The following SCAF11 variants were observed in gnomAD, a reference collection of about 807,000 sequenced individuals.
The protein encoded by SCAF11 is SR-related CTD associated factor 11.
Under a neutral mutation model 140.5 loss-of-function variants are expected in SCAF11, and 47 were observed. The observed-to-expected ratio is 0.33, with a 90% CI of 0.26 to 0.43. The LOEUF is 0.43. SCAF11 is among the 20% of genes least tolerant of loss of function. SCAF11 has a pLI of 1.00. For synonymous variants in SCAF11, 557 were observed against 579.4 expected, an observed-to-expected ratio of 0.96 and a Z score of 0.55; for missense variants, 1,645 against 1,705.1, an observed-to-expected ratio of 0.96 and a Z score of 0.62.
At chr12:45,950,891 A>G (rs1433160064) in intron 4 of SCAF11, among the ~76,000 whole-genome samples, 1 of 152,104 alleles carries the variant, frequency 6.6e-6, no homozygotes, top group African/African-American at 2.4e-5. Flanking sequence ...TGTTTCTCCT[A>G]TTAACGGCAT....
chr12:45,926,982 A>C lies in SCAF11; in HGVS notation c.2719T>G (p.Ser907Ala), dbSNP rs760045255. The C allele has an allele frequency of 6.2e-7, 1 of 1,612,288 alleles. No individual in the cohort carries two copies. The highest frequency in any genetic ancestry group is 1.7e-5 in the Admixed American group (1 of 59,952). Residue 907 changes from serine (S) to alanine (A), a missense_variant, in exon 11 of 15, where the codon TCC (serine) becomes GCC (alanine). Physicochemically the swap from Ser to Ala is moderately conservative, Grantham distance 99. This residue lies in a region of SCAF11 where 1,582 missense variants were observed against 1,609.2 expected (regional missense o/e 0.98). Transcript: ENST00000369367. ...RVKDSSPGEK[S>A]RSQSRERESD... ...TCTCGTTCTCTGCTCTGGGACCTGG[A>C]TTTTTCTCCTGGGGAAGAATCTTTC...
intron 14 of SCAF11, 103 bp downstream of exon 14, chr12:45,922,360 T>G: frequency 6.7e-7 from 1 of 1,499,726 alleles, no homozygotes; most frequent in African/African-American, 1.4e-5. Context: ...CAGGAATTAG[T>G]AGGAGCTAGC....
chr12:45,990,495 C>T lies in SCAF11; in HGVS notation c.-164G>A. On this transcript the variant is annotated 5_prime_UTR_variant, in exon 1 of 15. Transcript: ENST00000369367. Reference sequence around the variant, plus strand: ...CAGGGTCTCTAGGACACTGACTCCGCTGGCTCGGTCCGGAGGCGGCGGCGA... The same window carrying T: ...CAGGGTCTCTAGGACACTGACTCCGTTGGCTCGGTCCGGAGGCGGCGGCGA... 8.1e-7 allele frequency: 1 copy of T among 1,230,244 alleles called. No homozygotes were observed. The highest frequency in any genetic ancestry group is 1.0e-6 in the Non-Finnish European group (1 of 987,418). The allele number at this position is 1,230,244 out of a possible 1,614,324, so 76.2% of individuals were successfully genotyped here. A position where few individuals can be genotyped will look rare whatever the true frequency, so the allele number is the denominator to read the frequency against.
rs1592189655 is a variant in SCAF11 at position 45,946,762 on chromosome 12, T to C, written c.399-1449A>G. ...TATGCCTGGGAAAAGTGTACTATTA[T>C]CTACTATGTAAATACAAATGCAAGA... On this transcript the variant is annotated intron_variant, in intron 5 of 14. Coordinates refer to ENST00000369367, the MANE Select transcript of SCAF11 (RefSeq NM_004719.3). Among the ~76,000 whole-genome samples the C allele has an allele frequency of 2.0e-5, 3 of 152,324 alleles. No individual in the cohort carries two copies. The South Asian group carries it at 6.2e-4, about 32-fold the overall frequency.
rs1944656664 is a variant in SCAF11, at chr12:45,919,561, A to C, written c.*2487T>G. 6.6e-6 allele frequency: 1 copy of C among 152,258 alleles called. No homozygotes were observed. The highest frequency in any genetic ancestry group is 6.5e-5 in the Admixed American group (1 of 15,284). 9.4% of individuals were successfully genotyped at this position (152,258 alleles called of 1,614,324 possible). ...AATGTTTCTGATTAAGTTTGTGCCCATGCAAAATTAACATAAATTTCTTAA... is the reference window on the plus strand; with the variant it reads ...AATGTTTCTGATTAAGTTTGTGCCCCTGCAAAATTAACATAAATTTCTTAA... On this transcript the variant is annotated 3_prime_UTR_variant, in exon 15 of 15. Transcript: ENST00000369367.
rs373980959 is a variant in SCAF11 at position 45,940,849 on chromosome 12, C to A, written c.463+4400G>T. Among the ~76,000 whole-genome samples, 26 of 152,228 alleles carry A rather than the reference C, an allele frequency of 1.7e-4. No homozygotes were observed. In the South Asian group the frequency reaches 5.2e-3, roughly 30 times the overall value. ...AAAGGGTCTTACTCTGGCGCCCACG[C>A]TGGAGTGCAGTGGCATGATCATGAC... On this transcript the variant is annotated intron_variant, in intron 6 of 14. Coordinates refer to ENST00000369367, the MANE Select transcript of SCAF11 (RefSeq NM_004719.3).
intron 1 of SCAF11, among the ~76,000 whole-genome samples, chr12:45,964,481 C>T (rs1945896655): frequency 6.6e-6 from 1 of 152,096 alleles, no homozygotes; most frequent in South Asian, 2.1e-4. Context: ...TCCTGGCTAA[C>T]ACGGTGAAAC....
At chr12:45,941,235 G>A (rs1161684593) in intron 6 of SCAF11, among the ~76,000 whole-genome samples, 5 of 152,024 alleles carry the variant, frequency 3.3e-5, no homozygotes, top group African/African-American at 1.2e-4. Flanking sequence ...CTCTATGGTC[G>A]TAGACACCTT....
chr12:45,942,267 A>T (rs1197817885), intron 6 of SCAF11, among the ~76,000 whole-genome samples: 2 of 152,248 alleles, frequency 1.3e-5, no homozygotes, highest in Non-Finnish European at 2.9e-5. Context: ...AATGGTACAT[A>T]CAGAATGGAA....
At chr12:45,982,655 A>G (rs1946375328) in intron 1 of SCAF11, among the ~76,000 whole-genome samples, 1 of 152,216 alleles carries the variant, frequency 6.6e-6, no homozygotes. Context: ...CAGTGAACCG[A>G]GATTGTACCA....
intron 12 of SCAF11, 71 bp downstream of exon 12, chr12:45,924,657 G>A: frequency 1.6e-6 from 2 of 1,259,562 alleles, no homozygotes; most frequent in Non-Finnish European, 2.2e-6. Flanking sequence ...GCCTTTTTTT[G>A]AACATCTGTC....
Position 45,926,754 on chromosome 12 carries a change from G to T in SCAF11, c.2947C>A (p.Arg983=), listed in dbSNP as rs377258916. The T allele has an allele frequency of 1.2e-6, 2 of 1,613,796 alleles. No homozygotes were observed. The highest frequency in any genetic ancestry group is 8.5e-7 in the Non-Finnish European group (1 of 1,179,970). ...DGWRCPRGND[R]YRKNDPEKQN... is the part of the protein sequence containing the mutation. ...TTCTCTGGGTCATTCTTTCTGTACC[G>T]ATCATTTCCTCGTGGACATCTCCAA... Residue 983 remains arginine, a synonymous_variant, in exon 11 of 15, where the codon CGG becomes AGG. Transcript: ENST00000369367.
intron 6 of SCAF11, among the ~76,000 whole-genome samples, 172 bp from the exon 7 acceptor site, chr12:45,934,677 CTTG>C (rs879320020): frequency 2.3e-4 from 35 of 152,262 alleles, no homozygotes; most frequent in Non-Finnish European, 4.7e-4. Context: ...TTCATCTTAC[CTTG>C]TTAAGCTATT....
In SCAF11 at chr12:45,964,201, T is replaced by G; in HGVS notation, c.-21-13A>C. 9.8e-6 allele frequency: 12 copies of G among 1,228,002 alleles called. No individual in the cohort carries two copies. Among genetic ancestry groups the G allele is most frequent in the Non-Finnish European group, 1.4e-5 (12 of 859,708 alleles). The allele number at this position is 1,228,002 out of a possible 1,614,324, so 76.1% of individuals were successfully genotyped here. A position where few individuals can be genotyped will look rare whatever the true frequency, so the allele number is the denominator to read the frequency against. On this transcript the variant is annotated splice_polypyrimidine_tract_variant and intron_variant, in intron 1 of 14. Transcript: ENST00000369367. ...GGAAAAGGGTTTCCTATAAGATAAA[T>G]TATAATAGAGAATTTTATGTTTGCC...
chr12:45,925,084 G>A lies in SCAF11; in HGVS notation c.3560-10C>T. On this transcript the variant is annotated splice_polypyrimidine_tract_variant and intron_variant, in intron 11 of 14. Transcript: ENST00000369367. ...TCTTTTAGGCTAGAATCTATCAAAAGAAAAAAAGCTTGTGAAAAAAATCAT... is the reference window on the plus strand; with the variant it reads ...TCTTTTAGGCTAGAATCTATCAAAAAAAAAAAAGCTTGTGAAAAAAATCAT... 1.3e-6 allele frequency: 2 copies of A among 1,575,126 alleles called. No homozygotes were observed. The highest frequency in any genetic ancestry group is 1.9e-5 in the Admixed American group (1 of 52,668).
Position 45,923,337 on chromosome 12 carries a change from C to T in SCAF11, c.3907-183G>A, listed in dbSNP as rs558418536. ...AAGAAAAATGAGTAACATTCTTAAA[C>T]GGGGCCTTATTTAGATATGTCAAGA... On this transcript the variant is annotated intron_variant, in intron 12 of 14. Coordinates refer to ENST00000369367, the MANE Select transcript of SCAF11 (RefSeq NM_004719.3). Among the ~76,000 whole-genome samples, 18 of 152,108 alleles carry T rather than the reference C, an allele frequency of 1.2e-4. No individual in the cohort carries two copies. The East Asian group carries it at 1.9e-3, about 16-fold the overall frequency.
At chr12:45,942,617 T>G (rs1313520796) in intron 6 of SCAF11, among the ~76,000 whole-genome samples, 1 of 152,210 alleles carries the variant, frequency 6.6e-6, no homozygotes, top group Non-Finnish European at 1.5e-5. Flanking sequence ...TCCAAGAATA[T>G]TCCTGTCTCA....
chr12:45,978,112 G>GA (rs1565692696), intron 1 of SCAF11, among the ~76,000 whole-genome samples: 1 of 152,122 alleles, frequency 6.6e-6, no homozygotes. Flanking sequence ...AGTTTACCAT[G>GA]AGAGTCTGAA....
At chr12:45,984,432 T>C (rs1211786848) in intron 1 of SCAF11, among the ~76,000 whole-genome samples, 1 of 152,240 alleles carries the variant, frequency 6.6e-6, no homozygotes, top group East Asian at 1.9e-4. Context: ...TCAAATGGCA[T>C]ACAATTTCTG....
Sources: gnomAD v4.1 joint callset for allele counts (sites outside exome capture counted in the v4.1 genomes callset) on GRCh38, gnomAD v4.1.1 for gene constraint, gnomAD v4.1.1 regional missense constraint, MANE v1.5 for transcripts, NCBI Gene and HGNC (gene_info 2026-07-23, HGNC 2026-07-21) for gene names.